The following ITPR2 variants were observed in gnomAD, a reference collection of about 807,000 sequenced individuals.
ITPR2 encodes inositol 1,4,5-trisphosphate receptor type 2.
A neutral mutation model predicts 317.1 loss-of-function variants in ITPR2; 207 were observed. That is an observed-to-expected ratio of 0.65 (90% CI 0.58 to 0.73). ITPR2 has a LOEUF of 0.73. Among genes scored for constraint, ITPR2 ranks in the 30% least tolerant of loss-of-function variants. The pLI is 0.00. For synonymous variants in ITPR2, 1,156 were observed against 1,149.1 expected, an observed-to-expected ratio of 1.01 and a Z score of -0.12; for missense variants, 2,613 against 3,284.0, an observed-to-expected ratio of 0.80 and a Z score of 4.99.
At chr12:26,395,694 T>C (rs1026849095) in intron 54 of ITPR2, among the ~76,000 whole-genome samples, 3 of 152,202 alleles carry the variant, frequency 2.0e-5, no homozygotes, top group Admixed American at 6.5e-5. Flanking sequence ...GACTCACCCT[T>C]CTAAACAACA....
At chr12:26,753,002 C>T (rs542778176) in intron 2 of ITPR2, among the ~76,000 whole-genome samples, 19 of 152,022 alleles carry the variant, frequency 1.2e-4, no homozygotes, top group Non-Finnish European at 2.6e-4. Flanking sequence ...CTGAGGTGAC[C>T]CCCCACCCAA....
intron 13 of ITPR2, among the ~76,000 whole-genome samples, chr12:26,679,496 A>G (rs1947986255): frequency 6.6e-6 from 1 of 152,048 alleles, no homozygotes; most frequent in African/African-American, 2.4e-5. Flanking sequence ...TTCAGGGAGC[A>G]TAATTCCTCC....
chr12:26,373,015 A>G (rs1939230895), intron 55 of ITPR2, among the ~76,000 whole-genome samples: 1 of 152,208 alleles, frequency 6.6e-6, no homozygotes, highest in African/African-American at 2.4e-5. Flanking sequence ...AGGCCGCAGC[A>G]CAAGGGTGTA....
intron 37 of ITPR2, among the ~76,000 whole-genome samples, chr12:26,497,588 C>T (rs980624196): frequency 2.0e-5 from 3 of 152,190 alleles, no homozygotes; most frequent in Non-Finnish European, 2.9e-5. Flanking sequence ...GAGGAGCTGT[C>T]GACTCTGAGG....
chr12:26,601,143 G>T (rs1945990462), intron 28 of ITPR2, among the ~76,000 whole-genome samples: 1 of 152,154 alleles, frequency 6.6e-6, no homozygotes, highest in African/African-American at 2.4e-5. Context: ...CAACATCAGT[G>T]AAACTACCTA....
intron 21 of ITPR2, among the ~76,000 whole-genome samples, chr12:26,653,308 G>A (rs894692928): frequency 2.1e-5 from 3 of 141,180 alleles, no homozygotes; most frequent in Non-Finnish European, 3.0e-5. Context: ...ACAGTGGCAC[G>A]ATGTCAGCTC....
chr12:26,459,803 C>T (rs773142129), intron 45 of ITPR2, among the ~76,000 whole-genome samples: 3 of 152,330 alleles, frequency 2.0e-5, no homozygotes, highest in Non-Finnish European at 4.4e-5. Flanking sequence ...TACATCTATG[C>T]TCCAAGCCTA....
chr12:26,684,930 T>C (rs945984419), intron 11 of ITPR2, among the ~76,000 whole-genome samples: 4 of 151,858 alleles, frequency 2.6e-5, no homozygotes, highest in African/African-American at 7.3e-5. Flanking sequence ...CAGGCTTATA[T>C]TGATGGAAAA....
At chr12:26,780,317 G>A (rs1950055407) in intron 2 of ITPR2, among the ~76,000 whole-genome samples, 2 of 152,312 alleles carry the variant, frequency 1.3e-5, no homozygotes, top group African/African-American at 2.4e-5. Flanking sequence ...AAGGGCAGAG[G>A]TTTTTGTCCT....
In ITPR2 at chr12:26,821,349, T is replaced by C. The variant is rs561329078; in HGVS notation, c.92+11341A>G. Among the ~76,000 whole-genome samples, 19 of 152,326 alleles carry C rather than the reference T, an allele frequency of 1.2e-4. 1 individual carries two copies. The East Asian group carries it at 3.3e-3, about 26-fold the overall frequency. ...TGCCACTTGCCGTCATGGATATAAA[T>C]GATTAATCCTGATCCAAGGGGGCCA... On this transcript the variant is annotated intron_variant, in intron 1 of 56. Transcript: ENST00000381340.
chr12:26,586,779 TAG>T (rs953255810), intron 32 of ITPR2, among the ~76,000 whole-genome samples: 63 of 152,270 alleles, frequency 4.1e-4, no homozygotes, highest in African/African-American at 1.5e-3. Context: ...ACTATTCTAA[TAG>T]AGTTTCTATT....
At chr12:26,584,382 G>A (rs1215827627) in intron 32 of ITPR2, among the ~76,000 whole-genome samples, 1 of 152,110 alleles carries the variant, frequency 6.6e-6, no homozygotes, top group African/African-American at 2.4e-5. Flanking sequence ...GTTCACCACT[G>A]GACATGCAGC....
chr12:26,737,709 G>A (rs1009552249), intron 2 of ITPR2, among the ~76,000 whole-genome samples: 8 of 148,200 alleles, frequency 5.4e-5, no homozygotes, highest in Admixed American at 1.3e-4. Flanking sequence ...TACAGAAACC[G>A]GAAATTTCAG....
At chr12:26,452,139 G>A (rs910570338) in intron 45 of ITPR2, among the ~76,000 whole-genome samples, 1 of 151,978 alleles carries the variant, frequency 6.6e-6, no homozygotes, top group African/African-American at 2.4e-5. Flanking sequence ...GTTTTAACAA[G>A]CCCTCCAAGT....
intron 2 of ITPR2, among the ~76,000 whole-genome samples, chr12:26,782,103 C>G (rs921989775): frequency 7.0e-6 from 1 of 141,868 alleles, no homozygotes; most frequent in Non-Finnish European, 1.5e-5. Context: ...TCTTAATAAA[C>G]TCATGTATAT....
At chr12:26,800,118 C>A (rs1320159446) in intron 1 of ITPR2, among the ~76,000 whole-genome samples, 1 of 152,178 alleles carries the variant, frequency 6.6e-6, no homozygotes, top group Non-Finnish European at 1.5e-5. Context: ...ACACCTCCCC[C>A]ACCCCAGGTT....
chr12:26,628,069 A>AT lies in ITPR2; in HGVS notation c.3027dup (p.Ser1010IlefsTer17). On this transcript the variant is annotated frameshift_variant, in exon 23 of 57. Transcript: ENST00000381340. LOFTEE classifies it high-confidence loss of function. ...AAAGTGTCTGGAGATCCACTGGCAG[A>AT]TGTCTCCGCATTGTCATTGTCCTCT... The AT allele has an allele frequency of 6.2e-7, 1 of 1,613,456 alleles. No homozygotes were observed.
intron 37 of ITPR2, among the ~76,000 whole-genome samples, chr12:26,535,028 A>T (rs1439497220): frequency 1.3e-5 from 2 of 152,154 alleles, no homozygotes; most frequent in African/African-American, 4.8e-5. Flanking sequence ...ACAAGACAGG[A>T]TTTTTTGAGT....
intron 55 of ITPR2, among the ~76,000 whole-genome samples, chr12:26,369,530 C>T (rs1011967224): frequency 6.6e-6 from 1 of 152,132 alleles, no homozygotes; most frequent in Non-Finnish European, 1.5e-5. Context: ...GGCTAACTTT[C>T]AGTTAAGATT....
Sources: gnomAD v4.1 joint callset for allele counts (sites outside exome capture counted in the v4.1 genomes callset) on GRCh38, gnomAD v4.1.1 for gene constraint, MANE v1.5 for transcripts, NCBI Gene and HGNC (gene_info 2026-07-23, HGNC 2026-07-21) for gene names.